The following UROC1 variants were observed in gnomAD, a reference collection of about 807,000 sequenced individuals.
The protein encoded by UROC1 is urocanate hydratase 1.
A neutral mutation model predicts 89.5 loss-of-function variants in UROC1; 79 were observed. The observed-to-expected ratio is 0.88, with a 90% CI of 0.74 to 1.06. UROC1 has a LOEUF of 1.06. Among genes scored for constraint, UROC1 ranks in the 50% least tolerant of loss-of-function variants. The pLI, the probability that UROC1 is intolerant of heterozygous loss-of-function variation, is 0.00. For missense variants in UROC1, 885 were observed against 907.8 expected (o/e 0.97, Z 0.32); for synonymous variants, 361 against 354.8 (o/e 1.02, Z -0.20).
At chr3:126,489,227 T>C in intron 17 of UROC1, 49 bp downstream of exon 17, 1 of 1,535,336 alleles carries the variant, frequency 6.5e-7, no homozygotes, top group Non-Finnish European at 9.0e-7. Flanking sequence ...CAATTTTTAA[T>C]AAAATCCAAA....
intron 15 of UROC1, 75 bp downstream of exon 15, chr3:126,495,963 G>A (rs554025963): frequency 7.6e-5 from 111 of 1,463,370 alleles, no homozygotes; most frequent in African/African-American, 5.0e-4. Flanking sequence ...CTGAGCGCCC[G>A]TCAGCAGCAC....
chr3:126,501,209 C>A lies in UROC1; in HGVS notation c.965+9G>T, dbSNP rs1935912947. 1 of 1,613,990 alleles carries A rather than the reference C, an allele frequency of 6.2e-7. No homozygotes were observed. On this transcript the variant is annotated intron_variant, in intron 10 of 19. Transcript: ENST00000290868. The stretch of plus-strand genomic sequence containing the variant: ...CCAAGCTGGCCATCAACTCCCAACC[C>A]CCACTCACCAAAGAGCCACCACGTT...
intron 8 of UROC1, among the ~76,000 whole-genome samples, chr3:126,504,447 G>GA (rs1488533987): frequency 6.6e-6 from 1 of 152,140 alleles, no homozygotes; most frequent in Non-Finnish European, 1.5e-5. Flanking sequence ...TGACTTTCCT[G>GA]AAAAAATAGA....
At position 126,499,368 on chromosome 3, in the gene UROC1, G is replaced by A. The variant is rs9871671; in HGVS notation, c.1285C>T (p.Arg429Cys). ...EKKGAGRTEF[R>C]YPSYVQHIMG... ...ATGTGCTGCACATAGGAAGGGTAGC[G>A]GAACTCTGTCCTGCCAGCACCTTTC... is the stretch of plus-strand genomic sequence containing the variant. Residue 429 changes from arginine to cysteine, a missense_variant, in exon 13 of 20, where the codon CGC becomes TGC. Physicochemically the swap from Arg to Cys is radical, Grantham distance 180. Coordinates refer to ENST00000290868, the MANE Select transcript of UROC1 (RefSeq NM_144639.3). 7,681 of 1,612,280 alleles carry A rather than the reference G, an allele frequency of 4.8e-3. 268 individuals are homozygous for A. The African/African-American group carries it at 0.081, about 17-fold the overall frequency.
At chr3:126,499,507 G>T in intron 12 of UROC1, 98 bp from the exon 13 acceptor site, 1 of 1,150,748 alleles carries the variant, frequency 8.7e-7, no homozygotes, top group Non-Finnish European at 1.3e-6. Flanking sequence ...GGCTGGGGAA[G>T]GATGCACAAG....
intron 3 of UROC1, 109 bp from the exon 4 acceptor site, chr3:126,508,584 G>T: frequency 3.5e-6 from 3 of 858,116 alleles, no homozygotes; most frequent in Non-Finnish European, 3.8e-6. Flanking sequence ...GGGACAAGGA[G>T]AGAAGCCAGA....
rs770051051 is a variant in UROC1 at position 126,508,009 on chromosome 3, G to C, written c.498C>G (p.Pro166=). The C allele has an allele frequency of 1.8e-5, 29 of 1,613,912 alleles. No homozygotes were observed. Among genetic ancestry groups the C allele is most frequent in the Non-Finnish European group, 2.1e-5 (25 of 1,180,036 alleles). Residue 166 remains proline, a synonymous_variant, in exon 5 of 20, where the codon CCC becomes CCG. Coordinates refer to ENST00000290868, the MANE Select transcript of UROC1 (RefSeq NM_144639.3). ...CGAGCCGTGGGGCACTGCGGCTGCT[G>C]GGAAAGAGGCCAAGTGGGTGCCCAC... ...MYSGHPLGLF[P]SSRSAPRLVI...
intron 9 of UROC1, among the ~76,000 whole-genome samples, chr3:126,501,487 C>T (rs562904354): frequency 3.3e-5 from 5 of 152,332 alleles, no homozygotes; most frequent in African/African-American, 1.2e-4. Context: ...AAGGGAAAAT[C>T]CAGACCCAAA....
chr3:126,507,060 CAA>C (rs969662673), intron 6 of UROC1, among the ~76,000 whole-genome samples: 59 of 152,270 alleles, frequency 3.9e-4, no homozygotes, highest in African/African-American at 1.4e-3. Context: ...GCCTGGGCAA[CAA>C]GAGCAAAACT....
Position 126,492,490 on chromosome 3 carries a change from C to G in UROC1, c.1536G>C (p.Leu512=), listed in dbSNP as rs1935678482. ...RLVVGSQARI[L]YSDQKGRVAI... is the part of the protein sequence containing the mutation. ...CCACGCGGCCCTTCTGGTCTGAGTACAGGATCCTTGCCTGGGAGCCCACCA... is the reference window on the plus strand; with the variant it reads ...CCACGCGGCCCTTCTGGTCTGAGTAGAGGATCCTTGCCTGGGAGCCCACCA... Residue 512 remains leucine (L), a synonymous_variant, in exon 16 of 20, where the codon CTG becomes CTC. Transcript: ENST00000290868. 2 of 1,613,128 alleles carry G rather than the reference C, an allele frequency of 1.2e-6. No individual in the cohort carries two copies. The highest frequency in any genetic ancestry group is 1.7e-6 in the Non-Finnish European group (2 of 1,179,966).
At chr3:126,492,355 A>G (rs1213141862) in intron 16 of UROC1, 63 bp downstream of exon 16, 4 of 1,503,090 alleles carry the variant, frequency 2.7e-6, no homozygotes, top group Non-Finnish European at 3.7e-6. Context: ...AGGAAGGCCC[A>G]AGGCAGGAAA....
intron 3 of UROC1, 43 bp from the exon 4 acceptor site, chr3:126,508,518 G>T: frequency 6.4e-7 from 1 of 1,559,814 alleles, no homozygotes; most frequent in Non-Finnish European, 8.8e-7. Context: ...GCCTGGGAAG[G>T]GCCTATGGAG....
In UROC1 at chr3:126,482,180, T is replaced by C. The variant is rs969684962; in HGVS notation, c.*165A>G. ...TCTCTGGGCCTCAGGGGGCTGTCTG[T>C]AAAATGAGGCTGTGGTGGCACCCTG... On this transcript the variant is annotated 3_prime_UTR_variant, in exon 20 of 20. Transcript: ENST00000290868. The C allele has an allele frequency of 6.1e-6, 6 of 980,864 alleles. No homozygotes were observed. In the African/African-American group the frequency reaches 6.5e-5, roughly 11 times the overall value. The allele number at this position is 980,864 out of a possible 1,614,324, so 60.8% of individuals were successfully genotyped here.
At position 126,507,954 on chromosome 3, in the gene UROC1, G is replaced by C. The variant is rs1486201114; in HGVS notation, c.540+13C>G. 1.9e-6 allele frequency: 3 copies of C among 1,613,654 alleles called. No homozygotes were observed. The highest frequency in any genetic ancestry group is 1.7e-6 in the Non-Finnish European group (2 of 1,180,018). ...GCCCTGGGCAGGTGCTGTGCCACCTGCTGGGGACCCACCATCCCATTGGTG... is the reference window on the plus strand; with the variant it reads ...GCCCTGGGCAGGTGCTGTGCCACCTCCTGGGGACCCACCATCCCATTGGTG... On this transcript the variant is annotated intron_variant, in intron 5 of 19. Coordinates refer to ENST00000290868, the MANE Select transcript of UROC1 (RefSeq NM_144639.3).
At chr3:126,488,332 T>A in intron 17 of UROC1, 53 bp from the exon 18 acceptor site, 1 of 1,603,964 alleles carries the variant, frequency 6.2e-7, no homozygotes, top group Non-Finnish European at 8.5e-7. Context: ...GGTGGGCACC[T>A]GGCTCAGTCA....
chr3:126,500,224 C>A (rs1463907868), intron 11 of UROC1, 70 bp from the exon 12 acceptor site: 4 of 1,476,422 alleles, frequency 2.7e-6, no homozygotes, highest in Non-Finnish European at 3.7e-6. Context: ...CACCCTCAGT[C>A]GCACCCGCCA....
chr3:126,487,882 A>G (rs1935551822), intron 18 of UROC1, among the ~76,000 whole-genome samples: 1 of 152,184 alleles, frequency 6.6e-6, no homozygotes. Flanking sequence ...ATGGAAACTG[A>G]CATGCTGGAA....
intron 1 of UROC1, among the ~76,000 whole-genome samples, chr3:126,517,389 G>T (rs1420831603): frequency 6.6e-6 from 1 of 152,142 alleles, no homozygotes; most frequent in Non-Finnish European, 1.5e-5. Context: ...CTGTAAACAG[G>T]CACGGCGATC....
In UROC1 at chr3:126,517,579, G is replaced by C. The variant is rs144425182; in HGVS notation, c.126+15C>G. The C allele has an allele frequency of 6.2e-7, 1 of 1,612,336 alleles. No homozygotes were observed. The highest frequency in any genetic ancestry group is 8.5e-7 in the Non-Finnish European group (1 of 1,179,702). On this transcript the variant is annotated intron_variant, in intron 1 of 19. Coordinates refer to ENST00000290868, the MANE Select transcript of UROC1 (RefSeq NM_144639.3). ...CTAGAGGCCAAGGCCTCGGGAGCACGGGCCCACTGCTTACCTGTTTCTCCA... is the reference window on the plus strand; with the variant it reads ...CTAGAGGCCAAGGCCTCGGGAGCACCGGCCCACTGCTTACCTGTTTCTCCA...
Sources: gnomAD v4.1 joint callset for allele counts (sites outside exome capture counted in the v4.1 genomes callset) on GRCh38, gnomAD v4.1.1 for gene constraint, MANE v1.5 for transcripts, NCBI Gene and HGNC (gene_info 2026-07-23, HGNC 2026-07-21) for gene names.